CEP83: variants seen among roughly 807,000 people sequenced by gnomAD.
The protein encoded by CEP83 is centrosomal protein of 83 kDa.
CEP83 carries 70 observed loss-of-function variants against 101.9 expected under a neutral mutation model. The ratio of observed to expected loss-of-function variants is 0.69; its 90% CI spans 0.57 to 0.84. The LOEUF (loss-of-function observed/expected upper bound fraction) is 0.84, where lower values mean the gene tolerates loss of function less well. Among genes scored for constraint, CEP83 ranks in the 40% least tolerant of loss-of-function variants. The pLI, the probability that CEP83 is intolerant of heterozygous loss-of-function variation, is 0.00. For synonymous variants in CEP83, 264 were observed against 267.9 expected (o/e 0.99, Z 0.14); for missense variants, 715 against 787.2 (o/e 0.91, Z 1.10).
chr12:94,324,664 C>G (rs1354953762), intron 14 of CEP83, among the ~76,000 whole-genome samples: 1 of 152,164 alleles, frequency 6.6e-6, no homozygotes, highest in Non-Finnish European at 1.5e-5. Context: ...TTGTGCTCAT[C>G]TCTTGATGAT....
At chr12:94,380,837 A>G (rs1385811746) in intron 6 of CEP83, among the ~76,000 whole-genome samples, 1 of 152,150 alleles carries the variant, frequency 6.6e-6, no homozygotes, top group African/African-American at 2.4e-5. Context: ...CTTGACCTGC[A>G]TACTTCCCAT....
intron 2 of CEP83, among the ~76,000 whole-genome samples, chr12:94,417,641 T>G (rs2064382581): frequency 6.6e-6 from 1 of 151,700 alleles, no homozygotes; most frequent in African/African-American, 2.4e-5. Flanking sequence ...ATACAAAAAT[T>G]AGCAGGGTGT....
At chr12:94,292,769 T>G in the CEP83 span, among the ~76,000 whole-genome samples, 1 of 152,248 alleles carries the variant, frequency 6.6e-6, no homozygotes, top group Non-Finnish European at 1.5e-5. Flanking sequence ...CATGCTATCA[T>G]GAGTTCAGGT....
the CEP83 span, among the ~76,000 whole-genome samples, chr12:94,292,564 C>T: frequency 6.6e-6 from 1 of 152,158 alleles, no homozygotes; most frequent in Non-Finnish European, 1.5e-5. Context: ...CTTGGAACCA[C>T]AAGTATTTCA....
intron 11 of CEP83, among the ~76,000 whole-genome samples, chr12:94,355,635 CCATA>C (rs1365767508): frequency 1.3e-5 from 2 of 152,204 alleles, no homozygotes; most frequent in Non-Finnish European, 1.5e-5. Flanking sequence ...CCAAAACTGG[CCATA>C]AATAAAATCT....
At chr12:94,374,253 A>G (rs1012571811) in intron 8 of CEP83, among the ~76,000 whole-genome samples, 1 of 152,176 alleles carries the variant, frequency 6.6e-6, no homozygotes, top group Non-Finnish European at 1.5e-5. Context: ...GTACTGCATG[A>G]AAAGTATTAT....
the CEP83 span, among the ~76,000 whole-genome samples, chr12:94,268,438 G>A: frequency 2.0e-5 from 3 of 152,074 alleles, no homozygotes; most frequent in Non-Finnish European, 4.4e-5. Context: ...ATTCCAGGCT[G>A]GTGTTTAATG....
At chr12:94,281,307 A>G in the CEP83 span, among the ~76,000 whole-genome samples, 1 of 152,088 alleles carries the variant, frequency 6.6e-6, no homozygotes, top group Non-Finnish European at 1.5e-5. Flanking sequence ...AACCAAAAAA[A>G]AGAAATCCAA....
intron 6 of CEP83, among the ~76,000 whole-genome samples, chr12:94,391,621 CACA>C: frequency 6.6e-6 from 1 of 152,116 alleles, no homozygotes; most frequent in Admixed American, 6.5e-5. Flanking sequence ...CAAATTCACA[CACA>C]ACAATATTAA....
In CEP83 at chr12:94,333,494, A is replaced by C. The variant is rs150415429; in HGVS notation, c.1565T>G (p.Leu522Arg). The change falls in exon 13 of 17, where the codon CTA (leucine) becomes CGA (arginine). Residue 522 changes from leucine to arginine, a missense_variant. Transcript: ENST00000397809. ...NFRSQAEKAQLEAEKTLEEKQ... is the reference protein window; with the variant it reads ...NFRSQAEKAQREAEKTLEEKQ... ...GAGCAAACTCTACTTTTCAGCTTCT[A>C]GTTGCGCTTTTTCAGCTTGGCTTCT... 2.4e-4 allele frequency: 384 copies of C among 1,613,174 alleles called. 1 individual carries two copies. In the African/African-American group the frequency reaches 4.7e-3, roughly 20 times the overall value.
downstream of CEP83, among the ~76,000 whole-genome samples, chr12:94,303,319 A>G (rs909721950): frequency 4.6e-5 from 7 of 152,328 alleles, no homozygotes; most frequent in African/African-American, 1.7e-4. Flanking sequence ...ATGGTTATAT[A>G]AAGGGCTCAA....
At chr12:94,430,020 C>T (rs1209193094) in intron 2 of CEP83, among the ~76,000 whole-genome samples, 5 of 152,184 alleles carry the variant, frequency 3.3e-5, no homozygotes, top group African/African-American at 1.2e-4. Context: ...CACCCCACCC[C>T]TTCCTAACAC....
At chr12:94,326,286 T>A (rs997000601) in intron 14 of CEP83, among the ~76,000 whole-genome samples, 13 of 152,194 alleles carry the variant, frequency 8.5e-5, no homozygotes, top group Non-Finnish European at 1.6e-4. Flanking sequence ...CTGACTTTTA[T>A]CCTTTACAAT....
chr12:94,440,253 T>C (rs1252855843), intron 1 of CEP83, among the ~76,000 whole-genome samples: 3 of 152,102 alleles, frequency 2.0e-5, no homozygotes, highest in Non-Finnish European at 4.4e-5. Flanking sequence ...AGTGTTGCAG[T>C]TTGCTGATGA....
In CEP83 at chr12:94,369,992, G is replaced by A; in HGVS notation, c.978C>T (p.Ile326=). The A allele has an allele frequency of 6.2e-7, 1 of 1,610,660 alleles. No homozygotes were observed. Among genetic ancestry groups the A allele is most frequent in the Non-Finnish European group, 8.5e-7 (1 of 1,177,440 alleles). The change falls in exon 9 of 17, where the codon ATC becomes ATT. Residue 326 remains isoleucine, a synonymous_variant. Transcript: ENST00000397809. ...KHSNKLEITD[I]KLETARAKSE... ...TCTTAGCTCTTGCTGTCTCCAGTTT[G>A]ATGTCTGTTATTTCCAGTTTGTTTG...
chr12:94,292,661 T>A, the CEP83 span, among the ~76,000 whole-genome samples: 2 of 152,142 alleles, frequency 1.3e-5, no homozygotes, highest in East Asian at 3.9e-4. Flanking sequence ...AACACAGAAT[T>A]TATTTATGTT....
chr12:94,340,318 A>G (rs2059624088), intron 11 of CEP83, among the ~76,000 whole-genome samples: 1 of 151,820 alleles, frequency 6.6e-6, no homozygotes, highest in Non-Finnish European at 1.5e-5. Context: ...CTCCTCCTTC[A>G]CCCACTCCAC....
chr12:94,389,098 G>A (rs778052014), intron 6 of CEP83, among the ~76,000 whole-genome samples: 5 of 152,206 alleles, frequency 3.3e-5, no homozygotes, highest in African/African-American at 7.2e-5. Flanking sequence ...CTGCACTCCA[G>A]CCTGGGGAAC....
In CEP83 at chr12:94,337,239, T is replaced by C. The variant is rs543516647; in HGVS notation, c.1344-1575A>G. ...CCAAAGAAACCAATGGTAGAGTATC[T>C]GAAAATTCATTAAAATATGAAAGGA... On this transcript the variant is annotated intron_variant, in intron 11 of 16. Coordinates refer to ENST00000397809, the MANE Select transcript of CEP83 (RefSeq NM_016122.3). Among the ~76,000 whole-genome samples the C allele has an allele frequency of 2.0e-5, 3 of 152,230 alleles. No homozygotes were observed. The East Asian group carries it at 5.8e-4, about 29-fold the overall frequency.
Sources: gnomAD v4.1 joint callset for allele counts (sites outside exome capture counted in the v4.1 genomes callset) on GRCh38, gnomAD v4.1.1 for gene constraint, MANE v1.5 for transcripts, NCBI Gene and HGNC (gene_info 2026-07-23, HGNC 2026-07-21) for gene names.